RBM4B: variants seen among roughly 807,000 people sequenced by gnomAD.
RBM4B encodes RNA binding motif protein 4B, also known as RNA-binding protein 4B.
In RBM4B, 13 loss-of-function variants were observed where a neutral mutation model predicts 28.5. That is an observed-to-expected ratio of 0.46 (90% CI 0.30 to 0.72). RBM4B has a LOEUF of 0.72. RBM4B is among the 30% of genes least tolerant of loss of function. The pLI, the probability that RBM4B is intolerant of heterozygous loss-of-function variation, is 0.09. For synonymous variants in RBM4B, 167 were observed against 179.1 expected, an observed-to-expected ratio of 0.93 and a Z score of 0.54; for missense variants, 387 against 477.6, an observed-to-expected ratio of 0.81 and a Z score of 1.77.
At chr11:66,666,105 A>G (rs769449988) in intron 3 of RBM4B, 93 of 823,762 alleles carry the variant, frequency 1.1e-4, no homozygotes, top group Non-Finnish European at 1.6e-4. Context: ...CAACACACCT[A>G]CATGTCACAC....
chr11:66,669,099 G>A lies in RBM4B; in HGVS notation c.605C>T (p.Thr202Ile). 6.2e-7 allele frequency: 1 copy of A among 1,614,126 alleles called. No individual in the cohort carries two copies. The highest frequency in any genetic ancestry group is 8.5e-7 in the Non-Finnish European group (1 of 1,180,010). The part of the protein sequence containing the change: ...EQYGAVRTPY[T>I]MGYGESMYYN... ...ATACATGGATTCCCCGTAGCCCATG[G>A]TGTAAGGTGTTCGAACTGCTCCATA... Residue 202 changes from threonine to isoleucine, a missense_variant, in exon 3 of 4, where the codon ACC (threonine) becomes ATC (isoleucine). Transcript: ENST00000310046.
At chr11:66,674,258 C>G (rs1236375541) in intron 2 of RBM4B, among the ~76,000 whole-genome samples, 2 of 138,126 alleles carry the variant, frequency 1.4e-5, no homozygotes, top group African/African-American at 5.4e-5. Context: ...GAGTCTTGCT[C>G]TGTCCCCCAG....
chr11:66,673,514 C>T (rs1404807908), intron 2 of RBM4B, among the ~76,000 whole-genome samples: 2 of 152,184 alleles, frequency 1.3e-5, no homozygotes, highest in East Asian at 1.9e-4. Context: ...GGCTAGAGTG[C>T]GGTGGCACGG....
At position 66,668,763 on chromosome 11, in the gene RBM4B, G is replaced by A; in HGVS notation, c.941C>T (p.Pro314Leu). ...ATAACCGTAGCCCTCTCCAACTGTG[G>A]GGAGCATGGCTGCAGCACGACGCAG... Reference protein sequence around the residue: ...SPLRRAAAMLPTVGEGYGYGP... With the variant: ...SPLRRAAAMLLTVGEGYGYGP... Residue 314 changes from proline to leucine, a missense_variant, in exon 3 of 4, where the codon CCC (proline) becomes CTC (leucine). Around this residue, in one of 2 missense-constraint regions of RBM4B, gnomAD observed 226 missense variants for 220.6 expected, o/e 1.02. Transcript: ENST00000310046. 1 of 1,614,196 alleles carries A rather than the reference G, an allele frequency of 6.2e-7. No homozygotes were observed. Among genetic ancestry groups the A allele is most frequent in the Non-Finnish European group, 8.5e-7 (1 of 1,180,030 alleles).
rs1939361123 is a variant in RBM4B at position 66,668,960 on chromosome 11, C to A, written c.744G>T (p.Met248Ile). 1.9e-6 allele frequency: 3 copies of A among 1,614,108 alleles called. No individual in the cohort carries two copies. Among genetic ancestry groups the A allele is most frequent in the Admixed American group, 1.7e-5 (1 of 60,008 alleles). The change falls in exon 3 of 4, where the codon ATG (methionine) becomes ATT (isoleucine). Residue 248 changes from methionine to isoleucine, a missense_variant. By Grantham distance (10) the Met-to-Ile change is conservative. Around this residue, in one of 2 missense-constraint regions of RBM4B, gnomAD observed 226 missense variants for 220.6 expected, o/e 1.02. Coordinates refer to ENST00000310046, the MANE Select transcript of RBM4B (RefSeq NM_031492.4). Reference sequence around the variant, plus strand: ...TGCTTTGGACTTGAGGCAGATGGGACATGGTCTGCTCTGCGTAGTTGTATG... The same window carrying A: ...TGCTTTGGACTTGAGGCAGATGGGAAATGGTCTGCTCTGCGTAGTTGTATG... The part of the protein sequence containing the change: ...ASAYNYAEQT[M>I]SHLPQVQSTT...
chr11:66,665,513 G>A lies in RBM4B; in HGVS notation c.*75C>T. 7.9e-7 allele frequency: 1 copy of A among 1,263,992 alleles called. No homozygotes were observed. Among genetic ancestry groups the A allele is most frequent in the East Asian group, 2.5e-5 (1 of 39,662 alleles). 78.3% of individuals were successfully genotyped at this position (1,263,992 alleles called of 1,614,324 possible). A position where few individuals can be genotyped will look rare whatever the true frequency, so the allele number is the denominator to read the frequency against. ...AAGCAATGGAAACATCCCGGCAAAG[G>A]GGACCGCGCGGAGCAAGTTCTCATA... On this transcript the variant is annotated 3_prime_UTR_variant, in exon 4 of 4. Coordinates refer to ENST00000310046, the MANE Select transcript of RBM4B (RefSeq NM_031492.4).
chr11:66,665,500 C>T lies in RBM4B; in HGVS notation c.*88G>A. The T allele has an allele frequency of 2.8e-6, 3 of 1,083,248 alleles. No homozygotes were observed. The highest frequency in any genetic ancestry group is 4.1e-6 in the Non-Finnish European group (3 of 735,442). The allele number at this position is 1,083,248 out of a possible 1,614,324, so 67.1% of individuals were successfully genotyped here. On this transcript the variant is annotated 3_prime_UTR_variant, in exon 4 of 4. Coordinates refer to ENST00000310046, the MANE Select transcript of RBM4B (RefSeq NM_031492.4). ...TTACTGAAACATGAAGCAATGGAAA[C>T]ATCCCGGCAAAGGGGACCGCGCGGA...
At chr11:66,668,306 ATGT>A in intron 3 of RBM4B, 2 of 285,028 alleles carry the variant, frequency 7.0e-6, no homozygotes, top group South Asian at 7.2e-5. Flanking sequence ...CACATAACAA[ATGT>A]TAGATCTCTC....
At chr11:66,676,626 A>G (rs1195863372) in intron 2 of RBM4B, 42 bp downstream of exon 2, 1 of 1,603,168 alleles carries the variant, frequency 6.2e-7, no homozygotes, top group African/African-American at 1.3e-5. Context: ...GTTTTGAGCT[A>G]GACCCCACTC....
At chr11:66,666,489 C>T in intron 3 of RBM4B, 1 of 981,818 alleles carries the variant, frequency 1.0e-6, no homozygotes, top group Non-Finnish European at 1.2e-6. Flanking sequence ...ATTTGAGGTT[C>T]ACACCTGGAA....
chr11:66,674,313 T>G (rs1381562120), intron 2 of RBM4B, among the ~76,000 whole-genome samples: 1 of 150,488 alleles, frequency 6.6e-6, no homozygotes, highest in African/African-American at 2.4e-5. Context: ...AAGCTCTGCC[T>G]CCTGGGTTCA....
At position 66,666,281 on chromosome 11, in the gene RBM4B, C is replaced by T. The variant is rs1254059019; in HGVS notation, c.*10-703G>A. On this transcript the variant is annotated intron_variant, in intron 3 of 3. Transcript: ENST00000310046. ...AAAAAAGTTAACTCACACCAAGTTC[C>T]TCTACTTATTACAGACAAAGGGCCA... 3.6e-6 allele frequency: 4 copies of T among 1,113,392 alleles called. No homozygotes were observed. In the East Asian group the frequency reaches 2.7e-4, roughly 74 times the overall value. 69.0% of individuals were successfully genotyped at this position (1,113,392 alleles called of 1,614,324 possible).
Position 66,675,356 on chromosome 11 carries a change from TAAAA to T in RBM4B, c.412+1308_412+1311del, listed in dbSNP as rs1939603840. ...TGAGGAAAATGAAGCAGAGAAATGT[TAAAA>T]CACTTGTCCAAGGTCACACACTAGT... On this transcript the variant is annotated intron_variant, in intron 2 of 3. Transcript: ENST00000310046. 2.0e-5 allele frequency among the ~76,000 whole-genome samples: 3 copies of T among 152,220 alleles called. No individual in the cohort carries two copies. The South Asian group carries it at 6.2e-4, about 31-fold the overall frequency.
At chr11:66,677,121 CAG>C (rs976981029) in intron 1 of RBM4B, 30 bp from the exon 2 acceptor site, 5 of 1,597,760 alleles carry the variant, frequency 3.1e-6, no homozygotes, top group Non-Finnish European at 4.3e-6. Context: ...CTTCAAAAGT[CAG>C]GGGTGTGGTG....
chr11:66,672,992 A>G (rs1202451264), intron 2 of RBM4B, among the ~76,000 whole-genome samples: 2 of 152,106 alleles, frequency 1.3e-5, no homozygotes, highest in African/African-American at 2.4e-5. Context: ...TGTTGCCAAC[A>G]TTTTCCAGAA....
Position 66,668,643 on chromosome 11 carries a change from G to A in RBM4B, c.1061C>T (p.Ala354Val), listed in dbSNP as rs1939339003. The A allele has an allele frequency of 2.5e-6, 4 of 1,604,966 alleles. No homozygotes were observed. The East Asian group carries it at 9.0e-5, about 36-fold the overall frequency. The change falls in exon 3 of 4, where the codon GCC (alanine) becomes GTC (valine). Residue 354 changes from alanine (A) to valine (V), a missense_variant. Transcript: ENST00000310046. ...RYEREQYVDR[A>V]RYSAF ...CAGTTTTTAAAAGGCTGAGTACCGG[G>A]CTCGGTCCACATACTGCTCCCGTTC...
At chr11:66,677,425 G>T in intron 1 of RBM4B, 1 of 332,032 alleles carries the variant, frequency 3.0e-6, no homozygotes. Flanking sequence ...ATCGCAGTGC[G>T]CCTGGTAACA....
chr11:66,673,909 A>G (rs1939550316), intron 2 of RBM4B, among the ~76,000 whole-genome samples: 1 of 152,210 alleles, frequency 6.6e-6, no homozygotes, highest in African/African-American at 2.4e-5. Flanking sequence ...ATCTGGGAGA[A>G]AAAAAACCAG....
chr11:66,668,869 A>T lies in RBM4B; in HGVS notation c.835T>A (p.Ser279Thr). 6.2e-7 allele frequency: 1 copy of T among 1,614,180 alleles called. No individual in the cohort carries two copies. Residue 279 changes from serine (S) to threonine (T), a missense_variant, in exon 3 of 4, where the codon TCT becomes ACT. Physicochemically the swap from Ser to Thr is moderately conservative, Grantham distance 58. Transcript: ENST00000310046. ...DPYDRHLLPN[S>T]GAAATSAAMA... ...GCAGCTGAAGTGGCAGCAGCGCCAG[A>T]GTTTGGCAATAGGTGTCTGTCATAG...
Sources: gnomAD v4.1 joint callset for allele counts (sites outside exome capture counted in the v4.1 genomes callset) on GRCh38, gnomAD v4.1.1 for gene constraint, gnomAD v4.1.1 regional missense constraint, MANE v1.5 for transcripts, NCBI Gene and HGNC (gene_info 2026-07-23, HGNC 2026-07-21) for gene names.